SFXN1: variants seen among roughly 807,000 people sequenced by gnomAD.
SFXN1 encodes sideroflexin 1.
In SFXN1, 32 loss-of-function variants were observed where a neutral mutation model predicts 39.5. That is an observed-to-expected ratio of 0.81 (90% confidence interval 0.61 to 1.09). SFXN1 has a LOEUF of 1.09. Ranked by LOEUF, SFXN1 falls within the 50% of genes least tolerant of loss-of-function variation. The pLI, the probability that SFXN1 is intolerant of heterozygous loss-of-function variation, is 0.00. For missense variants in SFXN1, 402 were observed against 407.1 expected (o/e 0.99, Z 0.11); for synonymous variants, 136 against 146.5 (o/e 0.93, Z 0.52).
chr5:175,508,879 C>A (rs1204623984), intron 2 of SFXN1, among the ~76,000 whole-genome samples, 153 bp from the exon 3 acceptor site: 1 of 152,134 alleles, frequency 6.6e-6, no homozygotes, highest in African/African-American at 2.4e-5. Flanking sequence ...TTGTGATCCA[C>A]CTGCCTCAGC....
rs571710290 is a variant in SFXN1 at position 175,492,742 on chromosome 5, TA to T, written c.164+476del. ...TGGGAAGGGTGCTGGTGGCAATGCC[TA>T]CAGGGAATGCAGATGTGGGATGCAC... is the stretch of plus-strand genomic sequence containing the variant. On this transcript the variant is annotated intron_variant, in intron 2 of 10. Transcript: ENST00000321442. Among the ~76,000 whole-genome samples the T allele has an allele frequency of 1.6e-4, 25 of 152,256 alleles. No homozygotes were observed. The South Asian group carries it at 4.6e-3, about 28-fold the overall frequency.
chr5:175,481,312 GT>G (rs1372773986), intron 1 of SFXN1, among the ~76,000 whole-genome samples: 14 of 152,086 alleles, frequency 9.2e-5, no homozygotes, highest in Non-Finnish European at 2.1e-4. Flanking sequence ...CCGTGTTTTT[GT>G]TTTTTGTTGT....
At chr5:175,517,809 C>T (rs891862644) in intron 8 of SFXN1, among the ~76,000 whole-genome samples, 1 of 152,182 alleles carries the variant, frequency 6.6e-6, no homozygotes, top group South Asian at 2.1e-4. Flanking sequence ...GAAGAGGTCA[C>T]TTCCTTGGCA....
chr5:175,482,952 C>T (rs1759310985), intron 1 of SFXN1, among the ~76,000 whole-genome samples: 2 of 152,148 alleles, frequency 1.3e-5, no homozygotes, highest in African/African-American at 4.8e-5. Context: ...TCTTTCCAAA[C>T]CCAGGACCAA....
intron 2 of SFXN1, 150 bp downstream of exon 2, chr5:175,492,417 A>C (rs1158393575): frequency 4.3e-6 from 3 of 701,140 alleles, no homozygotes; most frequent in Non-Finnish European, 6.8e-6. Context: ...AAAAGAGTAA[A>C]AAGACCTGTT....
chr5:175,518,220 C>T (rs1465548849), intron 8 of SFXN1, among the ~76,000 whole-genome samples: 1 of 152,174 alleles, frequency 6.6e-6, no homozygotes, highest in East Asian at 1.9e-4. Context: ...ATGGCACTTT[C>T]ATTGGGAGTG....
intron 2 of SFXN1, among the ~76,000 whole-genome samples, chr5:175,507,180 T>C (rs756075368): frequency 7.2e-5 from 11 of 152,058 alleles, no homozygotes; most frequent in Admixed American, 1.3e-4. Flanking sequence ...TACTTGGCCT[T>C]CTTCTGTGTC....
chr5:175,497,042 A>G (rs985853339), intron 2 of SFXN1, among the ~76,000 whole-genome samples: 3 of 152,152 alleles, frequency 2.0e-5, no homozygotes, highest in Admixed American at 2.0e-4. Context: ...GGCACCTGCC[A>G]TCATGCCCAG....
Position 175,513,545 on chromosome 5 carries a change from A to G in SFXN1, c.679A>G (p.Thr227Ala). The change falls in exon 7 of 11, where the codon ACG (threonine) becomes GCG (alanine). Residue 227 changes from threonine to alanine, a missense_variant. Transcript: ENST00000321442. Reference protein sequence around the residue: ...ESANAAKQAITQVVVSRILMA... With the variant: ...ESANAAKQAIAQVVVSRILMA... ...GGCGAACGCTGCGAAACAAGCCATC[A>G]CGCAAGTTGTCGTGTCCAGGATTCT... The G allele has an allele frequency of 6.2e-7, 1 of 1,613,958 alleles. No individual in the cohort carries two copies. Among genetic ancestry groups the G allele is most frequent in the African/African-American group, 1.3e-5 (1 of 75,018 alleles).
Position 175,509,126 on chromosome 5 carries a change from A to G in SFXN1, c.259A>G (p.Met87Val). 1 of 1,613,930 alleles carries G rather than the reference A, an allele frequency of 6.2e-7. No individual in the cohort carries two copies. The highest frequency in any genetic ancestry group is 8.5e-7 in the Non-Finnish European group (1 of 1,179,926). Reference protein sequence around the residue: ...SAFHPDTGEKMILIGRMSAQV... With the variant: ...SAFHPDTGEKVILIGRMSAQV... The stretch of plus-strand genomic sequence containing the variant: ...TTTTCATCCTGACACTGGTGAGAAG[A>G]TGATTTTGATAGGAAGAATGTCAGC... The change falls in exon 3 of 11, where the codon ATG (methionine) becomes GTG (valine). Residue 87 changes from methionine to valine, a missense_variant. Met to Val is a conservative substitution (Grantham distance 21). Coordinates refer to ENST00000321442, the MANE Select transcript of SFXN1 (RefSeq NM_022754.7).
At chr5:175,511,081 A>G (rs919733765) in intron 4 of SFXN1, among the ~76,000 whole-genome samples, 3 of 152,178 alleles carry the variant, frequency 2.0e-5, no homozygotes, top group Non-Finnish European at 4.4e-5. Context: ...TTTTAAGCAA[A>G]TATGCCCCAA....
intron 3 of SFXN1, 128 bp from the exon 4 acceptor site, chr5:175,509,981 T>C: frequency 1.5e-6 from 1 of 688,954 alleles, no homozygotes; most frequent in East Asian, 2.7e-5. Context: ...ATCCTAAGCC[T>C]GTGTGGCCTT....
chr5:175,521,938 C>G lies in SFXN1; in HGVS notation c.794C>G (p.Ala265Gly), dbSNP rs764391057. 6.2e-7 allele frequency: 1 copy of G among 1,602,664 alleles called. No individual in the cohort carries two copies. Among genetic ancestry groups the G allele is most frequent in the South Asian group, 1.1e-5 (1 of 88,996 alleles). Residue 265 changes from alanine to glycine, a missense_variant, in exon 9 of 11, where the codon GCA becomes GGA. By Grantham distance (60) the Ala-to-Gly change is moderately conservative (BLOSUM62 0). Transcript: ENST00000321442. ...AFLKRFPWMS[A>G]PIQVGLVGFC... ...ACACAGAGGTTCCCATGGATGAGTG[C>G]ACCCATTCAAGTTGGGTTAGTTGGC... is the stretch of plus-strand genomic sequence containing the variant.
At chr5:175,515,824 A>C (rs898613642) in intron 7 of SFXN1, among the ~76,000 whole-genome samples, 1 of 152,162 alleles carries the variant, frequency 6.6e-6, no homozygotes, top group South Asian at 2.1e-4. Flanking sequence ...TTATTATTAC[A>C]TTGTAACATA....
chr5:175,526,727 G>A lies in SFXN1; in HGVS notation c.962G>A (p.Gly321Glu). The A allele has an allele frequency of 6.2e-7, 1 of 1,613,948 alleles. No homozygotes were observed. The highest frequency in any genetic ancestry group is 8.5e-7 in the Non-Finnish European group (1 of 1,179,778). ...PELRRVYFNK[G>E]L ...TTGCGACGCGTGTACTTCAATAAGG[G>A]ATTGTAAAGCAGGGAGGAAACCTCT... is the stretch of plus-strand genomic sequence containing the variant. The change falls in exon 11 of 11, where the codon GGA (glycine) becomes GAA (glutamate). Residue 321 changes from glycine to glutamate, a missense_variant. Transcript: ENST00000321442.
chr5:175,483,117 T>C (rs1429093307), intron 1 of SFXN1, among the ~76,000 whole-genome samples: 1 of 152,224 alleles, frequency 6.6e-6, no homozygotes, highest in Non-Finnish European at 1.5e-5. Context: ...AGATTGAATT[T>C]AAACAGTTTT....
At position 175,509,078 on chromosome 5, in the gene SFXN1, G is replaced by C; in HGVS notation, c.211G>C (p.Ala71Pro). ...TCTTACAGAAAATGAATTGTGGAGA[G>C]CAAAGTACATCTATGATTCAGCTTT... Reference protein sequence around the residue: ...PGLTENELWRAKYIYDSAFHP... With the variant: ...PGLTENELWRPKYIYDSAFHP... The change falls in exon 3 of 11, where the codon GCA becomes CCA. Residue 71 changes from alanine (A) to proline (P), a missense_variant. By Grantham distance (27) the Ala-to-Pro change is conservative. Coordinates refer to ENST00000321442, the MANE Select transcript of SFXN1 (RefSeq NM_022754.7). 6.2e-7 allele frequency: 1 copy of C among 1,613,304 alleles called. No individual in the cohort carries two copies. The highest frequency in any genetic ancestry group is 8.5e-7 in the Non-Finnish European group (1 of 1,179,754).
In SFXN1 at chr5:175,511,451, T is replaced by C. The variant is rs143723513; in HGVS notation, c.435T>C (p.Asn145=). ...ACACGATATCCTTTTTTCTTTTCAGTGAGTTGGGAACAGCTTACGTTTCTG... is the reference window on the plus strand; with the variant it reads ...ACACGATATCCTTTTTTCTTTTCAGCGAGTTGGGAACAGCTTACGTTTCTG... ...NRSGDAPLTV[N]ELGTAYVSAT... The change falls in exon 5 of 11, where the codon AAT becomes AAC. Residue 145 remains asparagine, a splice_region_variant and synonymous_variant. Transcript: ENST00000321442. 2.3e-4 allele frequency: 365 copies of C among 1,613,730 alleles called. 1 individual carries two copies. Among genetic ancestry groups the C allele is most frequent in the Non-Finnish European group, 5.1e-5 (60 of 1,179,866 alleles).
chr5:175,525,917 A>C (rs758433024), intron 10 of SFXN1: 1 of 152,202 alleles, frequency 6.6e-6, no homozygotes, highest in African/African-American at 2.4e-5. Context: ...CCCAGCCTCA[A>C]ATATTTTTTT....
Sources: gnomAD v4.1 joint callset for allele counts (sites outside exome capture counted in the v4.1 genomes callset) on GRCh38, gnomAD v4.1.1 for gene constraint, MANE v1.5 for transcripts, NCBI Gene and HGNC (gene_info 2026-07-23, HGNC 2026-07-21) for gene names.